The following SDK1 variants were observed in gnomAD, a reference collection of about 807,000 sequenced individuals.
SDK1 encodes the protein sidekick cell adhesion molecule 1.
In SDK1, 157 loss-of-function variants were observed where a neutral mutation model predicts 245.5. The observed-to-expected ratio is 0.64, with a 90% CI of 0.56 to 0.73. The LOEUF is 0.73. SDK1 is among the 30% of genes least tolerant of loss of function. The pLI is 0.00. For missense variants in SDK1, 3,583 were observed against 3,002.3 expected (o/e 1.19, Z -4.52); for synonymous variants, 1,647 against 1,278.5 (o/e 1.29, Z -6.15).
chr7:3,613,955 A>T (rs1781683606), intron 1 of SDK1, among the ~76,000 whole-genome samples: 1 of 152,144 alleles, frequency 6.6e-6, no homozygotes, highest in South Asian at 2.1e-4. Context: ...GGGGAACAAC[A>T]CACATTGAGT....
chr7:3,893,397 C>G (rs1363293890), intron 5 of SDK1, among the ~76,000 whole-genome samples: 1 of 152,046 alleles, frequency 6.6e-6, no homozygotes, highest in Non-Finnish European at 1.5e-5. Flanking sequence ...AAATGAGCTA[C>G]TGATAATATC....
chr7:4,011,176 G>A (rs1785928752), intron 15 of SDK1, 63 bp downstream of exon 15: 2 of 1,571,892 alleles, frequency 1.3e-6, no homozygotes, highest in African/African-American at 1.4e-5. Context: ...CCAAAGAGAA[G>A]CATCACATTA....
intron 1 of SDK1, among the ~76,000 whole-genome samples, chr7:3,381,510 G>C (rs185869330): frequency 6.6e-6 from 1 of 152,192 alleles, no homozygotes; most frequent in African/African-American, 2.4e-5. Flanking sequence ...AAGGGGGAGT[G>C]ACCTGAGGGA....
chr7:3,882,622 G>A (rs1781234678), intron 5 of SDK1, among the ~76,000 whole-genome samples: 1 of 152,200 alleles, frequency 6.6e-6, no homozygotes, highest in South Asian at 2.1e-4. Context: ...TGGAGCCAGT[G>A]TAGAATGTAA....
intron 38 of SDK1, among the ~76,000 whole-genome samples, chr7:4,214,627 G>A (rs1282349173): frequency 6.6e-6 from 1 of 152,068 alleles, no homozygotes; most frequent in Non-Finnish European, 1.5e-5. Flanking sequence ...CCGGGTGTCA[G>A]GAAGAACAAG....
At chr7:4,209,909 C>G in intron 37 of SDK1, 116 bp from the exon 38 acceptor site, 2 of 995,650 alleles carry the variant, frequency 2.0e-6, no homozygotes, top group Non-Finnish European at 2.8e-6. Flanking sequence ...CAGACTTTTA[C>G]TGAGTTGAAA....
At chr7:3,855,564 TAAAA>T (rs1008868406) in intron 5 of SDK1, among the ~76,000 whole-genome samples, 2 of 151,808 alleles carry the variant, frequency 1.3e-5, no homozygotes, top group East Asian at 3.9e-4. Context: ...ATAATGTATG[TAAAA>T]AAAAGTTAAT....
At chr7:3,665,959 G>C (rs573834356) in intron 4 of SDK1, among the ~76,000 whole-genome samples, 3 of 152,022 alleles carry the variant, frequency 2.0e-5, no homozygotes, top group African/African-American at 7.2e-5. Context: ...ACAATTTCTC[G>C]GTTGGCTCAC....
chr7:3,838,955 C>T (rs897956406), intron 5 of SDK1, among the ~76,000 whole-genome samples: 2 of 152,176 alleles, frequency 1.3e-5, no homozygotes, highest in African/African-American at 2.4e-5. Context: ...TGAAGGCATT[C>T]GTTTGGGCAG....
At chr7:3,502,779 A>G (rs1017409290) in intron 1 of SDK1, among the ~76,000 whole-genome samples, 1 of 152,324 alleles carries the variant, frequency 6.6e-6, no homozygotes, top group East Asian at 1.9e-4. Context: ...AATTAACAAC[A>G]CATTTCTTAC....
intron 1 of SDK1, among the ~76,000 whole-genome samples, chr7:3,377,929 C>T (rs1010075531): frequency 2.0e-5 from 3 of 152,058 alleles, no homozygotes; most frequent in African/African-American, 7.3e-5. Context: ...CAGGTGCACG[C>T]CACCATGCCC....
At chr7:3,720,424 C>G (rs1329615816) in intron 4 of SDK1, among the ~76,000 whole-genome samples, 1 of 152,118 alleles carries the variant, frequency 6.6e-6, no homozygotes, top group African/African-American at 2.4e-5. Flanking sequence ...AAAATACATA[C>G]ACAGATATTT....
chr7:3,833,216 G>T (rs1156921821), intron 5 of SDK1, among the ~76,000 whole-genome samples: 1 of 152,178 alleles, frequency 6.6e-6, no homozygotes, highest in Non-Finnish European at 1.5e-5. Flanking sequence ...CGAACTTAAA[G>T]AGTAGGAGTC....
Position 4,102,954 on chromosome 7 carries a change from TAAAAA to T in SDK1, c.3325-7691_3325-7687del, listed in dbSNP as rs34174910. On this transcript the variant is annotated intron_variant, in intron 22 of 44. Coordinates refer to ENST00000404826, the MANE Select transcript of SDK1 (RefSeq NM_152744.4). ...ACTGTTTATTAGCCTTAAAAAAAGTTAAAAAAAAAAAAAAAAAAAAAAGCCGTTCA... is the reference window on the plus strand; with the variant it reads ...ACTGTTTATTAGCCTTAAAAAAAGTTAAAAAAAAAAAAAAAAAGCCGTTCA... Among the ~76,000 whole-genome samples the T allele has an allele frequency of 7.5e-3, 844 of 113,236 alleles. 9 individuals are homozygous for T. The highest frequency in any genetic ancestry group is 0.022 in the African/African-American group (741 of 32,966). The allele number at this position is 113,236 out of a possible 152,430, so 74.3% of individuals were successfully genotyped here. A position where few individuals can be genotyped will look rare whatever the true frequency, so the allele number is the denominator to read the frequency against.
chr7:3,951,495 A>G (rs919048187), intron 6 of SDK1, among the ~76,000 whole-genome samples: 1 of 152,210 alleles, frequency 6.6e-6, no homozygotes, highest in South Asian at 2.1e-4. Context: ...CTTATGGTCC[A>G]TTGCTGCGGC....
chr7:3,827,428 T>G (rs926685459), intron 5 of SDK1, among the ~76,000 whole-genome samples: 2 of 152,354 alleles, frequency 1.3e-5, no homozygotes, highest in South Asian at 2.1e-4. Context: ...GGCAATTATC[T>G]GAGGGTGTAA....
In SDK1 at chr7:3,304,085, C is replaced by A. The variant is rs114109703; in HGVS notation, c.298+2201C>A. Reference sequence around the variant, plus strand: ...GTGCGACATTGATCAGTAAAAGTTACATTTTTATAACCTAGGTTACAGACC... The same window carrying A: ...GTGCGACATTGATCAGTAAAAGTTAAATTTTTATAACCTAGGTTACAGACC... On this transcript the variant is annotated intron_variant, in intron 1 of 44. Coordinates refer to ENST00000404826, the MANE Select transcript of SDK1 (RefSeq NM_152744.4). Among the ~76,000 whole-genome samples the A allele has an allele frequency of 8.5e-3, 1,295 of 152,318 alleles. 16 individuals carry two copies. The highest frequency in any genetic ancestry group is 0.029 in the African/African-American group (1,226 of 41,566).
intron 4 of SDK1, among the ~76,000 whole-genome samples, chr7:3,680,652 T>A (rs932512746): frequency 6.6e-6 from 1 of 152,170 alleles, no homozygotes; most frequent in Non-Finnish European, 1.5e-5. Context: ...CTAGTGATTT[T>A]AAAATACAGG....
At chr7:3,967,195 C>A in intron 9 of SDK1, 123 bp from the exon 10 acceptor site, 5 of 752,904 alleles carry the variant, frequency 6.6e-6, no homozygotes. Flanking sequence ...AACAGTATTC[C>A]TTTTGTATTG....
Sources: gnomAD v4.1 joint callset for allele counts (sites outside exome capture counted in the v4.1 genomes callset) on GRCh38, gnomAD v4.1.1 for gene constraint, MANE v1.5 for transcripts, NCBI Gene and HGNC (gene_info 2026-07-23, HGNC 2026-07-21) for gene names.